The following PIAS1 variants were observed in gnomAD, a reference collection of about 807,000 sequenced individuals.
PIAS1 encodes E3 SUMO-protein ligase PIAS1.
A neutral mutation model predicts 71.3 loss-of-function variants in PIAS1; 6 were observed. That is an observed-to-expected ratio of 0.08 (90% CI 0.05 to 0.17). PIAS1 has a LOEUF of 0.17. Ranked by LOEUF, PIAS1 falls within the 10% of genes least tolerant of loss-of-function variation. The pLI is 1.00. For synonymous variants in PIAS1, 303 were observed against 292.9 expected (o/e 1.03, Z -0.35); for missense variants, 555 against 793.6 (o/e 0.70, Z 3.61).
At chr15:68,094,693 C>G (rs2092359499) in intron 2 of PIAS1, among the ~76,000 whole-genome samples, 1 of 152,132 alleles carries the variant, frequency 6.6e-6, no homozygotes, top group Non-Finnish European at 1.5e-5. Flanking sequence ...AAAGGGCATT[C>G]AAAGGTTTTA....
At chr15:68,163,820 G>A (rs1235902918) in intron 7 of PIAS1, among the ~76,000 whole-genome samples, 1 of 152,056 alleles carries the variant, frequency 6.6e-6, no homozygotes, top group Admixed American at 6.5e-5. Context: ...CGGCCCCTTT[G>A]TACAATATAG....
Position 68,189,997 on chromosome 15 carries a change from A to G in PIAS1, c.*2162A>G, listed in dbSNP as rs561615234. ...TACTAATTCAGCTGTCTTAGGTAAA[A>G]TGAATAGTTTTCTTCCTGTTTTTTT... On this transcript the variant is annotated 3_prime_UTR_variant, in exon 14 of 14. Transcript: ENST00000249636. 2 of 152,342 alleles carry G rather than the reference A, an allele frequency of 1.3e-5. No individual in the cohort carries two copies. Among genetic ancestry groups the G allele is most frequent in the African/African-American group, 2.4e-5 (1 of 41,574 alleles). 9.4% of individuals were successfully genotyped at this position (152,342 alleles called of 1,614,324 possible).
At chr15:68,121,204 C>T (rs888342534) in intron 2 of PIAS1, among the ~76,000 whole-genome samples, 7 of 150,738 alleles carry the variant, frequency 4.6e-5, no homozygotes, top group Non-Finnish European at 7.4e-5. Context: ...TTTTATTTTA[C>T]CTTTGTTTTT....
At chr15:68,111,986 A>G (rs1452558303) in intron 2 of PIAS1, among the ~76,000 whole-genome samples, 5 of 152,120 alleles carry the variant, frequency 3.3e-5, no homozygotes, top group Non-Finnish European at 7.4e-5. Flanking sequence ...TACTTCCAAC[A>G]ACTGTTGTTG....
chr15:68,160,964 G>C (rs1187502863), intron 7 of PIAS1, among the ~76,000 whole-genome samples: 2 of 152,028 alleles, frequency 1.3e-5, no homozygotes, highest in Non-Finnish European at 2.9e-5. Flanking sequence ...ACAAGGAAAA[G>C]TTTTAAAAAA....
intron 8 of PIAS1, among the ~76,000 whole-genome samples, chr15:68,169,360 C>G (rs1306338755): frequency 6.6e-6 from 1 of 152,056 alleles, no homozygotes; most frequent in Admixed American, 6.6e-5. Flanking sequence ...GCCTTTTTAT[C>G]AGGTGCTTAT....
At chr15:68,065,671 G>T (rs2092011762) in intron 1 of PIAS1, among the ~76,000 whole-genome samples, 1 of 150,324 alleles carries the variant, frequency 6.7e-6, no homozygotes, top group African/African-American at 2.4e-5. Flanking sequence ...ATTAAATCCT[G>T]CATCTCTGTA....
chr15:68,141,873 G>GTT (rs879062649), intron 2 of PIAS1, 73 bp from the exon 3 acceptor site: 158 of 659,742 alleles, frequency 2.4e-4, no homozygotes, highest in East Asian at 6.7e-4. Context: ...AGACATGTGT[G>GTT]TTTTTTTTTT....
At chr15:68,087,513 A>G (rs926241923) in intron 2 of PIAS1, among the ~76,000 whole-genome samples, 7 of 152,204 alleles carry the variant, frequency 4.6e-5, no homozygotes, top group African/African-American at 1.7e-4. Context: ...TTGGCATACT[A>G]CGGCTGGCAA....
chr15:68,074,019 G>A (rs1384057608), intron 1 of PIAS1, among the ~76,000 whole-genome samples: 1 of 152,156 alleles, frequency 6.6e-6, no homozygotes, highest in Admixed American at 6.6e-5. Flanking sequence ...GCATTGACGG[G>A]TGATTAGGTG....
intron 11 of PIAS1, among the ~76,000 whole-genome samples, chr15:68,179,924 A>G (rs1444308511): frequency 6.6e-6 from 1 of 151,874 alleles, no homozygotes; most frequent in Non-Finnish European, 1.5e-5. Context: ...CCCATGCCCC[A>G]GGTACTTTAC....
At chr15:68,083,146 T>TTTA (rs1555424209) in intron 1 of PIAS1, among the ~76,000 whole-genome samples, 4 of 152,252 alleles carry the variant, frequency 2.6e-5, no homozygotes, top group South Asian at 4.1e-4. Context: ...TTTATTTTGT[T>TTTA]GTGCTAACAA....
intron 6 of PIAS1, among the ~76,000 whole-genome samples, chr15:68,151,055 GTATAATATAA>G (rs10562601): frequency 6.6e-6 from 1 of 151,350 alleles, no homozygotes; most frequent in African/African-American, 2.4e-5. Context: ...AAAACTATCA[GTATAATATAA>G]TATAATATAG....
At chr15:68,059,709 CA>C (rs770069635) in intron 1 of PIAS1, among the ~76,000 whole-genome samples, 7,931 of 76,788 alleles carry the variant, frequency 0.1, 149 homozygotes, top group South Asian at 0.15. Context: ...CCGTCTCAAA[CA>C]AAAAAAAAAA....
At chr15:68,181,624 G>T in intron 12 of PIAS1, 1 of 295,246 alleles carries the variant, frequency 3.4e-6, no homozygotes, top group African/African-American at 2.2e-5. Flanking sequence ...TCTGCAAATT[G>T]TTTTTGAATG....
intron 2 of PIAS1, among the ~76,000 whole-genome samples, chr15:68,121,960 T>A (rs2092617138): frequency 6.6e-6 from 1 of 152,036 alleles, no homozygotes; most frequent in Non-Finnish European, 1.5e-5. Flanking sequence ...AAACTCTGTC[T>A]CTACAAAAAA....
intron 2 of PIAS1, among the ~76,000 whole-genome samples, chr15:68,101,905 C>T (rs193186847): frequency 3.7e-4 from 57 of 152,224 alleles, no homozygotes; most frequent in Admixed American, 1.6e-3. Context: ...TGTGTGCCAT[C>T]GCGCCCAACT....
intron 4 of PIAS1, among the ~76,000 whole-genome samples, 160 bp from the exon 5 acceptor site, chr15:68,145,656 T>G (rs1278018043): frequency 6.6e-6 from 1 of 152,210 alleles, no homozygotes. Context: ...ATTTTAAACC[T>G]ATTTACATAT....
At chr15:68,170,406 A>G (rs1457577177) in intron 8 of PIAS1, among the ~76,000 whole-genome samples, 1 of 152,150 alleles carries the variant, frequency 6.6e-6, no homozygotes, top group Non-Finnish European at 1.5e-5. Context: ...GTGTACCTAA[A>G]CATAGAAAAG....
Sources: allele counts gnomAD v4.1 joint callset (sites outside exome capture counted in the v4.1 genomes callset), GRCh38; gene constraint gnomAD v4.1.1; transcripts MANE v1.5; gene names NCBI Gene and HGNC (gene_info 2026-07-23, HGNC 2026-07-21).